Variants in ARHGEF9 observed in about 807,000 individuals in gnomAD.
ARHGEF9 encodes the protein rho guanine nucleotide exchange factor 9.
In ARHGEF9, 2 loss-of-function variants were observed where a neutral mutation model predicts 41.3. The ratio of observed to expected loss-of-function variants is 0.05; its 90% CI spans 0.02 to 0.15. The LOEUF (loss-of-function observed/expected upper bound fraction) is 0.15. ARHGEF9 is among the 10% of genes least tolerant of loss of function. The pLI is 1.00. For missense variants in ARHGEF9, 225 were observed against 424.7 expected (o/e 0.53, Z 4.13); for synonymous variants, 160 against 154.4 (o/e 1.04, Z -0.27).
chrX:63,712,162 C>T (rs2052977437), intron 2 of ARHGEF9, among the ~76,000 whole-genome samples: 1 of 111,966 alleles, frequency 8.9e-6, no homozygotes, highest in Admixed American at 9.4e-5. Context: ...AACTCCCACG[C>T]ACTGCTGGCA....
chrX:63,671,756 G>A (rs1399520974), intron 6 of ARHGEF9, among the ~76,000 whole-genome samples: 1 of 112,555 alleles, frequency 8.9e-6, no homozygotes, highest in Admixed American at 9.4e-5. Context: ...AATCGTCAGG[G>A]TTGTAGGGGG....
chrX:63,722,414 T>G (rs1331003105), intron 2 of ARHGEF9, among the ~76,000 whole-genome samples: 1 of 108,006 alleles, frequency 9.3e-6, no homozygotes, highest in Non-Finnish European at 1.9e-5. Flanking sequence ...TTTTTTGTTT[T>G]TTTTTTTTTT....
intron 1 of ARHGEF9, among the ~76,000 whole-genome samples, chrX:63,751,843 C>CA (rs1491475582): frequency 7.3e-5 from 8 of 110,334 alleles, no homozygotes; most frequent in Admixed American, 4.8e-4. Flanking sequence ...TGCTCCCCCC[C>CA]ACACACCCCC....
chrX:63,700,822 T>C (rs782362315), intron 3 of ARHGEF9, among the ~76,000 whole-genome samples: 6 of 111,482 alleles, frequency 5.4e-5, no homozygotes, highest in Non-Finnish European at 1.1e-4. Context: ...TGGCTCTTAC[T>C]GCCAGGTATG....
At chrX:63,755,114 T>C in intron 1 of ARHGEF9, 1 of 938,335 alleles carries the variant, frequency 1.1e-6, no homozygotes, top group African/African-American at 2.0e-5. Context: ...ATCCCTCTTC[T>C]CTCCCCATCC....
chrX:63,732,631 C>G (rs1307959304), intron 1 of ARHGEF9, among the ~76,000 whole-genome samples: 1 of 111,426 alleles, frequency 9.0e-6, no homozygotes, highest in Non-Finnish European at 1.9e-5. Flanking sequence ...CAAAGCTCTC[C>G]TTAATCTAGC....
chrX:63,750,424 T>G (rs1363055508), intron 1 of ARHGEF9, among the ~76,000 whole-genome samples: 1 of 111,352 alleles, frequency 9.0e-6, no homozygotes, highest in Non-Finnish European at 1.9e-5. Context: ...AGCTCCATTA[T>G]CAAACTTGCT....
At chrX:63,648,103 C>CA (rs1203998782) in intron 8 of ARHGEF9, among the ~76,000 whole-genome samples, 1 of 110,838 alleles carries the variant, frequency 9.0e-6, no homozygotes, top group Non-Finnish European at 1.9e-5. Context: ...CAGAGAACAC[C>CA]ACAAAGATAT....
At chrX:63,775,415 T>C (rs1414491536) in intron 1 of ARHGEF9, among the ~76,000 whole-genome samples, 2 of 112,311 alleles carry the variant, frequency 1.8e-5, no homozygotes, top group African/African-American at 6.5e-5. Context: ...AGCGAAGACA[T>C]AAAATCAACC....
In ARHGEF9 at chrX:63,691,590, T is replaced by C. The variant is rs1556381508; in HGVS notation, c.582+5535A>G. 2.7e-5 allele frequency among the ~76,000 whole-genome samples: 3 copies of C among 111,416 alleles called. No individual in the cohort carries two copies. The East Asian group carries it at 8.4e-4, about 31-fold the overall frequency. On this transcript the variant is annotated intron_variant, in intron 4 of 9. Transcript: ENST00000671741. ...TAGATTAAATGCAATTAATTAATAT[T>C]AAATTAATATTGTTAAATTAATATT...
chrX:63,655,390 T>G (rs1556334395), intron 8 of ARHGEF9, 104 bp downstream of exon 8: 1 of 1,137,754 alleles, frequency 8.8e-7, no homozygotes, highest in African/African-American at 1.8e-5. Flanking sequence ...CTTAAGTCAG[T>G]TTGCAACAGA....
chrX:63,657,723 A>G (rs2048962050), intron 7 of ARHGEF9: 1 of 111,645 alleles, frequency 9.0e-6, no homozygotes, highest in Non-Finnish European at 1.9e-5. Context: ...AGTGATTCCC[A>G]TACACTGAGT....
chrX:63,709,447 A>C (rs1230382724), intron 2 of ARHGEF9, among the ~76,000 whole-genome samples: 1 of 111,765 alleles, frequency 8.9e-6, no homozygotes, highest in Non-Finnish European at 1.9e-5. Context: ...ATTGGAGACA[A>C]TCTCTGGTCT....
chrX:63,775,397 T>C (rs781838890), intron 1 of ARHGEF9, among the ~76,000 whole-genome samples: 1 of 112,541 alleles, frequency 8.9e-6, no homozygotes, highest in Non-Finnish European at 1.9e-5. Flanking sequence ...CACAGCACTA[T>C]TCACAATAGC....
chrX:63,776,266 G>C, intron 1 of ARHGEF9, among the ~76,000 whole-genome samples: 1 of 111,108 alleles, frequency 9.0e-6, no homozygotes, highest in African/African-American at 3.3e-5. Context: ...TTCAGAGCCA[G>C]GAGTCTGCAA....
chrX:63,655,886 G>A, intron 7 of ARHGEF9, 149 bp from the exon 8 acceptor site: 1 of 668,151 alleles, frequency 1.5e-6, no homozygotes. Flanking sequence ...GGTTATACTA[G>A]TAGTCTGACA....
At chrX:63,770,725 A>T (rs1227754333) in intron 1 of ARHGEF9, among the ~76,000 whole-genome samples, 1 of 111,719 alleles carries the variant, frequency 9.0e-6, no homozygotes, top group East Asian at 2.8e-4. Context: ...GTTTCCTCCT[A>T]CTACTCTCAT....
intron 2 of ARHGEF9, among the ~76,000 whole-genome samples, chrX:63,720,808 T>G (rs2053592230): frequency 8.9e-6 from 1 of 112,663 alleles, no homozygotes; most frequent in South Asian, 3.7e-4. Flanking sequence ...TCACTGTGCT[T>G]CTTTAAAAAT....
At chrX:63,663,579 C>T (rs1681015942) in intron 7 of ARHGEF9, among the ~76,000 whole-genome samples, 1 of 111,014 alleles carries the variant, frequency 9.0e-6, no homozygotes, top group Non-Finnish European at 1.9e-5. Context: ...CCTCACTCAC[C>T]TTGGCCCAAT....
Sources: gnomAD v4.1 joint callset for allele counts (sites outside exome capture counted in the v4.1 genomes callset) on GRCh38, gnomAD v4.1.1 for gene constraint, MANE v1.5 for transcripts, NCBI Gene and HGNC (gene_info 2026-07-23, HGNC 2026-07-21) for gene names.